Variants in MAML3 observed in about 807,000 individuals in gnomAD.
MAML3 encodes mastermind-like protein 3.
MAML3 carries 27 observed loss-of-function variants against 101.9 expected under a neutral mutation model. The observed-to-expected ratio is 0.27, with a 90% CI of 0.20 to 0.37. The LOEUF is 0.37. Among genes scored for constraint, MAML3 ranks in the 10% least tolerant of loss-of-function variants. The pLI, the probability that MAML3 is intolerant of heterozygous loss-of-function variation, is 1.00. For synonymous variants in MAML3, 501 were observed against 555.9 expected, an observed-to-expected ratio of 0.90 and a Z score of 1.39; for missense variants, 1,316 against 1,444.9, an observed-to-expected ratio of 0.91 and a Z score of 1.45.
intron 2 of MAML3, among the ~76,000 whole-genome samples, chr4:139,767,713 T>G (rs1191811350): frequency 2.6e-5 from 4 of 152,216 alleles, no homozygotes; most frequent in Non-Finnish European, 4.4e-5. Flanking sequence ...GTTATTAACT[T>G]TGGTCTGAGG....
At chr4:139,760,036 C>A (rs1253276247) in intron 2 of MAML3, among the ~76,000 whole-genome samples, 1 of 152,236 alleles carries the variant, frequency 6.6e-6, no homozygotes, top group Non-Finnish European at 1.5e-5. Flanking sequence ...CAAACTCTCT[C>A]ATGACAACTT....
intron 2 of MAML3, among the ~76,000 whole-genome samples, chr4:139,830,142 T>A (rs1021875661): frequency 6.6e-6 from 1 of 152,150 alleles, no homozygotes; most frequent in Non-Finnish European, 1.5e-5. Context: ...TTCAAATCAC[T>A]CCATATCCAA....
chr4:139,940,356 A>T (rs1333841247), intron 1 of MAML3, among the ~76,000 whole-genome samples: 3 of 152,210 alleles, frequency 2.0e-5, no homozygotes, highest in Admixed American at 6.5e-5. Flanking sequence ...CACACTATGT[A>T]AAGATTTAAT....
chr4:139,805,784 G>A (rs1730690461), intron 2 of MAML3, among the ~76,000 whole-genome samples: 1 of 152,130 alleles, frequency 6.6e-6, no homozygotes, highest in African/African-American at 2.4e-5. Flanking sequence ...AGAAGCTAAG[G>A]AAGCTAAAGA....
intron 1 of MAML3, among the ~76,000 whole-genome samples, chr4:140,087,442 A>G (rs1424763619): frequency 5.9e-5 from 9 of 152,336 alleles, no homozygotes; most frequent in Non-Finnish European, 1.2e-4. Context: ...ACCATGAGAA[A>G]CTTTATTCTT....
At chr4:140,064,082 A>G (rs1727491824) in intron 1 of MAML3, among the ~76,000 whole-genome samples, 1 of 152,134 alleles carries the variant, frequency 6.6e-6, no homozygotes, top group Non-Finnish European at 1.5e-5. Flanking sequence ...CATTTCTTAC[A>G]TCGTCCCCAC....
At chr4:140,129,560 A>C (rs1467094645) in intron 1 of MAML3, among the ~76,000 whole-genome samples, 1 of 152,198 alleles carries the variant, frequency 6.6e-6, no homozygotes, top group Non-Finnish European at 1.5e-5. Flanking sequence ...GCTGAGTCTC[A>C]GTCTGCCAGA....
intron 1 of MAML3, among the ~76,000 whole-genome samples, chr4:139,996,537 T>A (rs1241610503): frequency 6.6e-6 from 1 of 152,178 alleles, no homozygotes; most frequent in Non-Finnish European, 1.5e-5. Context: ...TTATGAAATA[T>A]CCCTGTCTCT....
intron 2 of MAML3, among the ~76,000 whole-genome samples, chr4:139,779,484 C>A (rs1730159896): frequency 6.6e-6 from 1 of 152,144 alleles, no homozygotes; most frequent in South Asian, 2.1e-4. Context: ...AGGTTTATAG[C>A]CCTGATTTTT....
In MAML3 at chr4:140,110,618, C is replaced by T. The variant is rs185048788; in HGVS notation, c.468+42242G>A. On this transcript the variant is annotated intron_variant, in intron 1 of 4. Transcript: ENST00000509479. ...AAAGCCTTGTGGAGAAAAGTACTTACAGGAAAGAGTAATTAAATTTAAAGG... is the reference window on the plus strand; with the variant it reads ...AAAGCCTTGTGGAGAAAAGTACTTATAGGAAAGAGTAATTAAATTTAAAGG... Among the ~76,000 whole-genome samples the T allele has an allele frequency of 1.8e-3, 280 of 152,238 alleles. 1 individual carries two copies. Among genetic ancestry groups the T allele is most frequent in the Middle Eastern group, 6.8e-3 (2 of 294 alleles).
rs569129418 is a variant in MAML3, at chr4:140,086,556, G to A, written c.468+66304C>T. On this transcript the variant is annotated intron_variant, in intron 1 of 4. Transcript: ENST00000509479. ...GCATTTAAAATATCAATTATTTTGC[G>A]ATCAGCTCAAGATCTTACAGGTATG... is the stretch of plus-strand genomic sequence containing the variant. Among the ~76,000 whole-genome samples the A allele has an allele frequency of 4.6e-5, 7 of 152,210 alleles. No homozygotes were observed. In the East Asian group the frequency reaches 5.8e-4, roughly 13 times the overall value.
intron 1 of MAML3, among the ~76,000 whole-genome samples, chr4:140,108,637 C>A (rs1272179314): frequency 6.7e-6 from 1 of 149,880 alleles, no homozygotes; most frequent in Non-Finnish European, 1.5e-5. Context: ...ATTACCAGGG[C>A]CAAGCAAAAT....
intron 1 of MAML3, among the ~76,000 whole-genome samples, chr4:140,027,812 C>T (rs970713130): frequency 6.6e-6 from 1 of 152,158 alleles, no homozygotes; most frequent in Non-Finnish European, 1.5e-5. Flanking sequence ...ATCAATTCTT[C>T]CATTAACATC....
chr4:139,885,444 T>A (rs12506342), intron 2 of MAML3, among the ~76,000 whole-genome samples: 10,433 of 152,044 alleles, frequency 0.069, 507 homozygotes, highest in African/African-American at 0.12. Context: ...CAGTGATGGA[T>A]GCCCTAAATA....
chr4:139,896,740 A>G (rs1035880566), intron 1 of MAML3, among the ~76,000 whole-genome samples: 1 of 152,150 alleles, frequency 6.6e-6, no homozygotes, highest in Non-Finnish European at 1.5e-5. Context: ...TGTCCAAACC[A>G]GTAGTAATAA....
chr4:139,745,406 A>G (rs1357790217), intron 2 of MAML3, among the ~76,000 whole-genome samples: 1 of 152,156 alleles, frequency 6.6e-6, no homozygotes, highest in Non-Finnish European at 1.5e-5. Context: ...ATCTGGAGAA[A>G]AGTGGGCAGG....
chr4:139,874,847 A>G (rs964951548), intron 2 of MAML3, among the ~76,000 whole-genome samples: 9 of 127,930 alleles, frequency 7.0e-5, no homozygotes, highest in African/African-American at 2.8e-4. Flanking sequence ...CCTGTCGCCC[A>G]GGCTGGAGTG....
chr4:139,838,343 C>T (rs188797097), intron 2 of MAML3, among the ~76,000 whole-genome samples: 66 of 152,282 alleles, frequency 4.3e-4, no homozygotes, highest in African/African-American at 1.4e-3. Context: ...TACTGCATTT[C>T]GGCAGTATTG....
intron 2 of MAML3, among the ~76,000 whole-genome samples, chr4:139,780,989 T>G (rs1322863347): frequency 2.0e-5 from 3 of 152,122 alleles, no homozygotes; most frequent in African/African-American, 7.2e-5. Flanking sequence ...CCTTTGCTCA[T>G]AGGAAACCAT....
Sources: allele counts gnomAD v4.1 joint callset (sites outside exome capture counted in the v4.1 genomes callset), GRCh38; gene constraint gnomAD v4.1.1; transcripts MANE v1.5; gene names NCBI Gene and HGNC (gene_info 2026-07-23, HGNC 2026-07-21).